The following RFX8 variants were observed in gnomAD, a reference collection of about 807,000 sequenced individuals.
RFX8 encodes the protein regulatory factor X8, also known as DNA-binding protein RFX8.
RFX8 carries 46 observed loss-of-function variants against 54.6 expected under a neutral mutation model. The ratio of observed to expected loss-of-function variants is 0.84; its 90% confidence interval spans 0.67 to 1.08. The LOEUF (loss-of-function observed/expected upper bound fraction) is 1.08. Among genes scored for constraint, RFX8 ranks in the 50% least tolerant of loss-of-function variants. The pLI is 0.00. For missense variants in RFX8, 536 were observed against 562.3 expected (o/e 0.95, Z 0.47); for synonymous variants, 192 against 209.5 (o/e 0.92, Z 0.72).
At chr2:101,470,239 C>T (rs1689900055) in intron 1 of RFX8, among the ~76,000 whole-genome samples, 1 of 152,168 alleles carries the variant, frequency 6.6e-6, no homozygotes, top group South Asian at 2.1e-4. Context: ...CTGCCTACTA[C>T]CGTGGCTTGC....
intron 5 of RFX8, among the ~76,000 whole-genome samples, chr2:101,417,983 C>T (rs12712098): frequency 0.92 from 140,378 of 152,194 alleles, 65,042 homozygotes; most frequent in South Asian, 0.98. Context: ...CTCCGCCTCC[C>T]GGGTTCAAGC....
At chr2:101,439,064 C>G (rs189522504) in intron 2 of RFX8, among the ~76,000 whole-genome samples, 2 of 152,308 alleles carry the variant, frequency 1.3e-5, no homozygotes, top group East Asian at 3.9e-4. Flanking sequence ...CCACCTGCCT[C>G]AGTCTCCCAA....
In RFX8 at chr2:101,474,646, A is replaced by C; in HGVS notation, c.-63T>G. 1.7e-5 allele frequency: 3 copies of C among 181,500 alleles called. No homozygotes were observed. The highest frequency in any genetic ancestry group is 2.3e-5 in the Non-Finnish European group (2 of 87,338). The allele number at this position is 181,500 out of a possible 1,614,324, so 11.2% of individuals were successfully genotyped here. A position where few individuals can be genotyped will look rare whatever the true frequency, so the allele number is the denominator to read the frequency against. ...CAAGCACCAACTTACACCTTTTCCA[A>C]TCTGGTCGCGGTGTTGAGTCCGTGG... On this transcript the variant is annotated 5_prime_UTR_variant, in exon 1 of 12. Transcript: ENST00000428343.
At chr2:101,418,823 T>A in intron 5 of RFX8, 28 bp downstream of exon 5, 1 of 1,390,230 alleles carries the variant, frequency 7.2e-7, no homozygotes, top group Non-Finnish European at 1.0e-6. Flanking sequence ...GCAAAGGATA[T>A]ACTCTAGAGA....
chr2:101,425,194 T>C (rs1361407247), intron 2 of RFX8, among the ~76,000 whole-genome samples: 1 of 152,174 alleles, frequency 6.6e-6, no homozygotes, highest in Non-Finnish European at 1.5e-5. Context: ...TCTGGGCTAA[T>C]GTCTCATAAT....
At chr2:101,419,996 C>G (rs925561762) in intron 4 of RFX8, among the ~76,000 whole-genome samples, 3 of 152,172 alleles carry the variant, frequency 2.0e-5, no homozygotes, top group African/African-American at 7.2e-5. Flanking sequence ...GCGCTTGCCT[C>G]TGAAATATTT....
At chr2:101,428,185 T>A (rs139996944) in intron 2 of RFX8, among the ~76,000 whole-genome samples, 1,869 of 152,164 alleles carry the variant, frequency 0.012, 42 homozygotes, top group African/African-American at 0.042. Flanking sequence ...CCCAACTACT[T>A]GGGAGGCTGA....
At chr2:101,410,437 C>T (rs1030498764) in intron 9 of RFX8, among the ~76,000 whole-genome samples, 182 bp downstream of exon 9, 3 of 151,286 alleles carry the variant, frequency 2.0e-5, no homozygotes, top group Admixed American at 2.0e-4. Flanking sequence ...TGTGCTCCAC[C>T]AGACCCCCAT....
At chr2:101,421,680 T>A in intron 4 of RFX8, 44 bp downstream of exon 4, 1 of 1,530,678 alleles carries the variant, frequency 6.5e-7, no homozygotes, top group South Asian at 1.3e-5. Context: ...AATGCTTGTA[T>A]TTTATAGATA....
intron 2 of RFX8, among the ~76,000 whole-genome samples, chr2:101,431,923 C>A (rs183907961): frequency 6.6e-6 from 1 of 152,074 alleles, no homozygotes; most frequent in Non-Finnish European, 1.5e-5. Context: ...CATGTAGGGG[C>A]CTGTGTATAG....
intron 2 of RFX8, 108 bp downstream of exon 2, chr2:101,466,669 C>T: frequency 1.2e-6 from 1 of 806,356 alleles, no homozygotes; most frequent in Non-Finnish European, 2.1e-6. Context: ...GCCAAAGATA[C>T]CCACTGAAAA....
In RFX8 at chr2:101,397,732, A is replaced by C. The variant is rs1002845472; in HGVS notation, c.1246-8T>G. 1 of 1,542,996 alleles carries C rather than the reference A, an allele frequency of 6.5e-7. No individual in the cohort carries two copies. The highest frequency in any genetic ancestry group is 8.7e-7 in the Non-Finnish European group (1 of 1,144,152). On this transcript the variant is annotated splice_region_variant and splice_polypyrimidine_tract_variant and intron_variant, in intron 11 of 11. Coordinates refer to ENST00000428343, the MANE Select transcript of RFX8 (RefSeq NM_001145664.2). ...CAACAGCACCTGGATGAGCTGCAAGAGGGAAATGTTTTAAGGGAAAAGATA... is the reference window on the plus strand; with the variant it reads ...CAACAGCACCTGGATGAGCTGCAAGCGGGAAATGTTTTAAGGGAAAAGATA...
intron 2 of RFX8, among the ~76,000 whole-genome samples, chr2:101,438,513 G>T (rs960748857): frequency 2.0e-5 from 3 of 152,108 alleles, no homozygotes; most frequent in Non-Finnish European, 4.4e-5. Context: ...TCCAGTTTTG[G>T]GCTATTACAC....
At chr2:101,464,940 T>C (rs1433334127) in intron 2 of RFX8, among the ~76,000 whole-genome samples, 1 of 152,086 alleles carries the variant, frequency 6.6e-6, no homozygotes, top group Non-Finnish European at 1.5e-5. Context: ...ATAAGGGTGG[T>C]AGATGGCTGG....
At chr2:101,417,407 T>C (rs1686590404) in intron 6 of RFX8, 127 bp downstream of exon 6, 4 of 801,726 alleles carry the variant, frequency 5.0e-6, no homozygotes, top group Non-Finnish European at 7.7e-6. Context: ...GATCTCACTA[T>C]GTTGCCCGGG....
intron 8 of RFX8, among the ~76,000 whole-genome samples, chr2:101,412,597 T>C (rs560893243): frequency 3.9e-5 from 6 of 152,268 alleles, no homozygotes; most frequent in Middle Eastern, 3.4e-3. Flanking sequence ...AACTAAGCTT[T>C]TCCCCCACAG....
intron 9 of RFX8, among the ~76,000 whole-genome samples, chr2:101,409,884 C>A (rs1259599838): frequency 6.6e-6 from 1 of 152,116 alleles, no homozygotes; most frequent in African/African-American, 2.4e-5. Flanking sequence ...TCTCTCAAGG[C>A]ATTCTCAGCT....
rs537307275 is a variant in RFX8, at chr2:101,442,017, C to T, written c.73-19545G>A. ...TCTTGCCTTTCTGAGGATTAAACAA[C>T]GTTGAGGACTCTATCTTGATTTAAT... On this transcript the variant is annotated intron_variant, in intron 2 of 11. Coordinates refer to ENST00000428343, the MANE Select transcript of RFX8 (RefSeq NM_001145664.2). Among the ~76,000 whole-genome samples, 8 of 152,120 alleles carry T rather than the reference C, an allele frequency of 5.3e-5. No homozygotes were observed. In the South Asian group the frequency reaches 1.2e-3, roughly 24 times the overall value.
rs1033455901 is a variant in RFX8 at position 101,397,465 on chromosome 2, C to T, written c.*83G>A. The T allele has an allele frequency of 2.0e-5, 18 of 882,106 alleles. No individual in the cohort carries two copies. Among genetic ancestry groups the T allele is most frequent in the South Asian group, 1.1e-4 (5 of 47,336 alleles). The allele number at this position is 882,106 out of a possible 1,614,324, so 54.6% of individuals were successfully genotyped here. On this transcript the variant is annotated 3_prime_UTR_variant, in exon 12 of 12. Transcript: ENST00000428343. ...CTATTATATACATAACATCATCTTT[C>T]GTCAATAGAAAAACTTTAGTATTTA...
Sources: allele counts gnomAD v4.1 joint callset (sites outside exome capture counted in the v4.1 genomes callset), GRCh38; gene constraint gnomAD v4.1.1; transcripts MANE v1.5; gene names NCBI Gene and HGNC (gene_info 2026-07-23, HGNC 2026-07-21).